USP48: variants seen among roughly 807,000 people sequenced by gnomAD.
USP48 encodes the protein ubiquitin specific peptidase 48, also known as ubiquitin carboxyl-terminal hydrolase 48.
A neutral mutation model predicts 150.7 loss-of-function variants in USP48; 43 were observed. That is an observed-to-expected ratio of 0.29 (90% CI 0.22 to 0.37). USP48 has a LOEUF of 0.37. USP48 is among the 10% of genes least tolerant of loss of function. The pLI is 1.00. For synonymous variants in USP48, 396 were observed against 425.9 expected, an observed-to-expected ratio of 0.93 and a Z score of 0.86; for missense variants, 813 against 1,249.6, an observed-to-expected ratio of 0.65 and a Z score of 5.27.
chr1:21,776,724 C>CG (rs1274472208), intron 1 of USP48, among the ~76,000 whole-genome samples: 3 of 151,042 alleles, frequency 2.0e-5, no homozygotes, highest in Non-Finnish European at 4.4e-5. Flanking sequence ...GAGGCCAAGG[C>CG]GGGGGGATCA....
intron 22 of USP48, among the ~76,000 whole-genome samples, chr1:21,699,768 G>A (rs866824464): frequency 2.0e-4 from 30 of 151,040 alleles, no homozygotes; most frequent in South Asian, 6.3e-4. Flanking sequence ...CACCCGCCTC[G>A]GCCTTCCAAA....
chr1:21,698,684 A>G (rs1386193506), intron 22 of USP48, among the ~76,000 whole-genome samples: 1 of 152,080 alleles, frequency 6.6e-6, no homozygotes, highest in Non-Finnish European at 1.5e-5. Context: ...GCAATAAAAG[A>G]TTTGATTCCC....
In USP48 at chr1:21,744,754, G is replaced by A. The variant is rs1001874228; in HGVS notation, c.991+2313C>T. On this transcript the variant is annotated intron_variant, in intron 8 of 26. Coordinates refer to ENST00000308271, the MANE Select transcript of USP48 (RefSeq NM_032236.8). ...ATCATGCCACTGCACTCCAGCCTGGGCAACAGAATGAAACTCTATCTCTAA... is the reference window on the plus strand; with the variant it reads ...ATCATGCCACTGCACTCCAGCCTGGACAACAGAATGAAACTCTATCTCTAA... Among the ~76,000 whole-genome samples, 7 of 110,622 alleles carry A rather than the reference G, an allele frequency of 6.3e-5. No homozygotes were observed. In the Admixed American group the frequency reaches 9.7e-4, roughly 15 times the overall value. The allele number at this position is 110,622 out of a possible 152,430, so 72.6% of individuals were successfully genotyped here.
chr1:21,690,634 C>T (rs1192485773), intron 23 of USP48, among the ~76,000 whole-genome samples: 1 of 152,066 alleles, frequency 6.6e-6, no homozygotes, highest in East Asian at 1.9e-4. Context: ...AGGGATCCTC[C>T]CACCTAAGGC....
chr1:21,704,616 G>C (rs1158914986), intron 19 of USP48: 5 of 421,068 alleles, frequency 1.2e-5, no homozygotes, highest in Non-Finnish European at 2.1e-5. Flanking sequence ...AACATGGTTA[G>C]ATCTCAAAAA....
At chr1:21,691,316 CAAAAAAAAAAAA>C (rs58202473) in intron 23 of USP48, among the ~76,000 whole-genome samples, 1 of 83,610 alleles carries the variant, frequency 1.2e-5, no homozygotes, top group Non-Finnish European at 2.5e-5. Flanking sequence ...CTCCCATCTC[CAAAAAAAAAAAA>C]AAAAAAAAAA....
intron 1 of USP48, among the ~76,000 whole-genome samples, chr1:21,780,309 C>G (rs1412108055): frequency 6.6e-6 from 1 of 152,082 alleles, no homozygotes; most frequent in African/African-American, 2.4e-5. Flanking sequence ...CAAATGGCCA[C>G]GTACTGTATA....
chr1:21,727,791 G>A (rs2097743297), intron 11 of USP48: 1 of 834,136 alleles, frequency 1.2e-6, no homozygotes, highest in Non-Finnish European at 1.4e-6. Flanking sequence ...TTTACATTTT[G>A]CTTAAAGTTA....
intron 15 of USP48, among the ~76,000 whole-genome samples, chr1:21,714,280 G>A (rs924759795): frequency 6.6e-6 from 1 of 152,092 alleles, no homozygotes; most frequent in Non-Finnish European, 1.5e-5. Flanking sequence ...TTGTCCTATT[G>A]ATTTTATTTT....
intron 1 of USP48, among the ~76,000 whole-genome samples, chr1:21,760,776 A>T (rs966830431): frequency 1.3e-5 from 2 of 151,478 alleles, no homozygotes; most frequent in African/African-American, 4.9e-5. Context: ...TAATGTTGTG[A>T]TATATAACGA....
At chr1:21,758,451 G>A (rs750829195) in intron 1 of USP48, among the ~76,000 whole-genome samples, 8 of 152,022 alleles carry the variant, frequency 5.3e-5, no homozygotes, top group Non-Finnish European at 1.0e-4. Flanking sequence ...AGCATGAGTG[G>A]GAATAAGGTT....
At chr1:21,742,560 G>GAAAAGAAAAAGA (rs1242166792) in intron 8 of USP48, among the ~76,000 whole-genome samples, 3 of 138,842 alleles carry the variant, frequency 2.2e-5, no homozygotes, top group African/African-American at 8.5e-5. Context: ...AAAAAGAAAA[G>GAAAAGAAAAAGA]AAAAGAAAAA....
intron 22 of USP48, among the ~76,000 whole-genome samples, chr1:21,698,151 G>A (rs1027930906): frequency 1.3e-5 from 2 of 152,150 alleles, no homozygotes; most frequent in East Asian, 3.8e-4. Flanking sequence ...GATATGTGAT[G>A]AGGAGGGTGA....
intron 11 of USP48, chr1:21,726,696 T>G (rs1195679272): frequency 6.6e-6 from 1 of 152,142 alleles, no homozygotes; most frequent in African/African-American, 2.4e-5. Context: ...TGTGGCAAAG[T>G]TTTTACACTA....
intron 1 of USP48, among the ~76,000 whole-genome samples, chr1:21,770,180 T>C (rs529679976): frequency 1.3e-5 from 2 of 150,710 alleles, no homozygotes; most frequent in East Asian, 3.9e-4. Context: ...AAAAAAATTG[T>C]ACAGCACTAG....
chr1:21,704,230 C>T, intron 20 of USP48, 32 bp downstream of exon 20: 1 of 1,600,276 alleles, frequency 6.2e-7, no homozygotes, highest in Non-Finnish European at 8.5e-7. Context: ...CAGCTCTTAA[C>T]TATAGAAACC....
chr1:21,768,671 C>T (rs2097869573), intron 1 of USP48: 5 of 150,580 alleles, frequency 3.3e-5, no homozygotes. Flanking sequence ...CCTTTCAAGC[C>T]CCACCCCCCC....
At chr1:21,682,590 T>C (rs766844080) in intron 25 of USP48, among the ~76,000 whole-genome samples, 27 of 152,100 alleles carry the variant, frequency 1.8e-4, no homozygotes, top group Admixed American at 6.6e-4. Flanking sequence ...CTAAAAAGAT[T>C]TGTGGGCCAG....
At chr1:21,742,451 T>G (rs747470142) in intron 8 of USP48, among the ~76,000 whole-genome samples, 1 of 150,674 alleles carries the variant, frequency 6.6e-6, no homozygotes, top group Non-Finnish European at 1.5e-5. Context: ...GGCTGAGGCA[T>G]GAGAATCGCT....
Sources: allele counts gnomAD v4.1 joint callset (sites outside exome capture counted in the v4.1 genomes callset), GRCh38; gene constraint gnomAD v4.1.1; transcripts MANE v1.5; gene names NCBI Gene and HGNC (gene_info 2026-07-23, HGNC 2026-07-21).